WSCD2: variants seen among roughly 807,000 people sequenced by gnomAD.
WSCD2 encodes the protein WSC domain sialate O sulfotransferase 2, also known as sialate:O-sulfotransferase 2.
WSCD2 carries 28 observed loss-of-function variants against 55.7 expected under a neutral mutation model. That is an observed-to-expected ratio of 0.50 (90% CI 0.37 to 0.69). The LOEUF is 0.69. Ranked by LOEUF, WSCD2 falls within the 30% of genes least tolerant of loss-of-function variation. The pLI, the probability that WSCD2 is intolerant of heterozygous loss-of-function variation, is 0.00. For missense variants in WSCD2, 616 were observed against 762.1 expected, an observed-to-expected ratio of 0.81 and a Z score of 2.26; for synonymous variants, 301 against 301.9, an observed-to-expected ratio of 1.00 and a Z score of 0.03.
Position 108,191,668 on chromosome 12 carries a change from C to A in WSCD2, c.-551-3614C>A, listed in dbSNP as rs532136113. On this transcript the variant is annotated intron_variant, in intron 1 of 8. Coordinates refer to ENST00000547525, the MANE Select transcript of WSCD2 (RefSeq NM_014653.4). ...TACTCATTTTTCTCTACCAGTGTTTCTTGGGACCCTCCTATGTATCAAATA... is the reference window on the plus strand; with the variant it reads ...TACTCATTTTTCTCTACCAGTGTTTATTGGGACCCTCCTATGTATCAAATA... Among the ~76,000 whole-genome samples, 291 of 152,294 alleles carry A rather than the reference C, an allele frequency of 1.9e-3. 3 individuals carry two copies. The highest frequency in any genetic ancestry group is 6.8e-3 in the Middle Eastern group (2 of 294).
chr12:108,131,811 A>AGT (rs922024596), intron 1 of WSCD2: 3 of 152,384 alleles, frequency 2.0e-5, no homozygotes, highest in African/African-American at 7.2e-5. Flanking sequence ...GTGGTCTGGG[A>AGT]GTGCTGCATG....
intron 2 of WSCD2, among the ~76,000 whole-genome samples, chr12:108,200,092 T>C (rs117733170): frequency 1.3e-5 from 2 of 152,116 alleles, no homozygotes; most frequent in South Asian, 4.1e-4. Context: ...TCTATTTCCA[T>C]GAGATTACAG....
Position 108,195,970 on chromosome 12 carries a change from G to A in WSCD2, c.138G>A (p.Ser46=), listed in dbSNP as rs764081584. 71 of 1,614,058 alleles carry A rather than the reference G, an allele frequency of 4.4e-5. No homozygotes were observed. Among genetic ancestry groups the A allele is most frequent in the East Asian group, 2.5e-4 (11 of 44,894 alleles). The change falls in exon 2 of 9, where the codon TCG becomes TCA. Residue 46 remains serine, a synonymous_variant. Transcript: ENST00000547525. The part of the protein sequence containing the change: ...HSGFVGQPAV[S]GNQANPAAAG... ...GCTTTGTGGGCCAGCCCGCTGTCTC[G>A]GGGAACCAGGCGAACCCCGCTGCTG...
intron 5 of WSCD2, 111 bp from the exon 6 acceptor site, chr12:108,226,879 A>C (rs1053877191): frequency 2.4e-5 from 32 of 1,313,290 alleles, no homozygotes; most frequent in Non-Finnish European, 2.9e-5. Context: ...GTTAAGGGAG[A>C]CTGACAGAGA....
At chr12:108,236,598 CTAAT>C (rs1232749356) in intron 7 of WSCD2, among the ~76,000 whole-genome samples, 2 of 149,006 alleles carry the variant, frequency 1.3e-5, no homozygotes, top group African/African-American at 5.0e-5. Flanking sequence ...CTCTCTCTCT[CTAAT>C]TGTCCTTTCC....
At chr12:108,209,800 G>A (rs1885882645) in intron 3 of WSCD2, among the ~76,000 whole-genome samples, 1 of 151,946 alleles carries the variant, frequency 6.6e-6, no homozygotes, top group African/African-American at 2.4e-5. Context: ...GAGTCTCCCT[G>A]CCCACCTCAG....
intron 1 of WSCD2, among the ~76,000 whole-genome samples, chr12:108,193,989 G>A (rs1883554733): frequency 6.6e-6 from 1 of 152,194 alleles, no homozygotes; most frequent in African/African-American, 2.4e-5. Flanking sequence ...TCCATTGGCT[G>A]ACTATGGAAT....
intron 1 of WSCD2, among the ~76,000 whole-genome samples, chr12:108,168,001 T>C (rs1879832040): frequency 6.6e-6 from 1 of 152,184 alleles, no homozygotes; most frequent in Non-Finnish European, 1.5e-5. Flanking sequence ...ATTGCTTTTT[T>C]CAAATAAATA....
intron 1 of WSCD2, among the ~76,000 whole-genome samples, chr12:108,135,776 C>T (rs1876130911): frequency 6.6e-6 from 1 of 152,236 alleles, no homozygotes; most frequent in East Asian, 1.9e-4. Flanking sequence ...GAATAGAGGC[C>T]AACAAACTAT....
intron 1 of WSCD2, among the ~76,000 whole-genome samples, chr12:108,167,064 G>A (rs1234485899): frequency 7.9e-5 from 12 of 151,636 alleles, no homozygotes; most frequent in African/African-American, 2.4e-4. Flanking sequence ...CACCCACCTC[G>A]GCCTCCCAAA....
In WSCD2 at chr12:108,172,032, G is replaced by C. The variant is rs1174328189; in HGVS notation, c.-551-23250G>C. ...AAGCACAGAGCTGCACCATTGTTGA[G>C]AGTTAATATATGATTTCTAGGGTTT... On this transcript the variant is annotated intron_variant, in intron 1 of 8. Coordinates refer to ENST00000547525, the MANE Select transcript of WSCD2 (RefSeq NM_014653.4). 2.6e-5 allele frequency among the ~76,000 whole-genome samples: 4 copies of C among 152,326 alleles called. No homozygotes were observed. In the East Asian group the frequency reaches 5.8e-4, roughly 22 times the overall value.
intron 4 of WSCD2, among the ~76,000 whole-genome samples, chr12:108,220,264 T>A (rs1375777425): frequency 6.6e-6 from 1 of 152,192 alleles, no homozygotes; most frequent in Admixed American, 6.5e-5. Context: ...TTAGGAGGGT[T>A]CCATTGGATA....
At chr12:108,154,795 C>T (rs573036461) in intron 1 of WSCD2, among the ~76,000 whole-genome samples, 11 of 152,136 alleles carry the variant, frequency 7.2e-5, no homozygotes, top group Non-Finnish European at 1.0e-4. Context: ...GCATATTTTT[C>T]ATGAATCCAA....
intron 7 of WSCD2, 98 bp downstream of exon 7, chr12:108,232,993 G>T: frequency 6.7e-7 from 1 of 1,490,368 alleles, no homozygotes. Context: ...AGTATCTACT[G>T]TGTGCCACTC....
chr12:108,231,436 T>TGATGGTAATG (rs1469945626), intron 6 of WSCD2, among the ~76,000 whole-genome samples: 3 of 152,210 alleles, frequency 2.0e-5, no homozygotes, highest in Non-Finnish European at 4.4e-5. Flanking sequence ...CTGTTAACTC[T>TGATGGTAATG]GATGGTAATG....
chr12:108,249,987 ACTCT>A lies in WSCD2; in HGVS notation c.*1649_*1652del, dbSNP rs1295862692. Reference sequence around the variant, plus strand: ...TGGCCTCCCTTCTACTGGGAGGTTGACTCTCTCTGGGAGACTCTTGGTCCAAGAC... The same window carrying A: ...TGGCCTCCCTTCTACTGGGAGGTTGACTCTGGGAGACTCTTGGTCCAAGAC... On this transcript the variant is annotated 3_prime_UTR_variant, in exon 9 of 9. Coordinates refer to ENST00000547525, the MANE Select transcript of WSCD2 (RefSeq NM_014653.4). 2 of 152,172 alleles carry A rather than the reference ACTCT, an allele frequency of 1.3e-5. No homozygotes were observed. Among genetic ancestry groups the A allele is most frequent in the Non-Finnish European group, 2.9e-5 (2 of 67,948 alleles). 9.4% of individuals were successfully genotyped at this position (152,172 alleles called of 1,614,324 possible). A position where few individuals can be genotyped will look rare whatever the true frequency, so the allele number is the denominator to read the frequency against.
At chr12:108,201,536 C>T (rs759627987) in intron 2 of WSCD2, among the ~76,000 whole-genome samples, 34 of 151,858 alleles carry the variant, frequency 2.2e-4, no homozygotes, top group Non-Finnish European at 3.1e-4. Context: ...CGGGACAGGG[C>T]ACACAATTCA....
chr12:108,232,517 A>C (rs905036189), intron 6 of WSCD2, among the ~76,000 whole-genome samples: 1 of 151,614 alleles, frequency 6.6e-6, no homozygotes, highest in Admixed American at 6.6e-5. Flanking sequence ...CCCATTTAAC[A>C]CTCACCTCAA....
chr12:108,189,679 G>A (rs1882922088), intron 1 of WSCD2: 1 of 152,072 alleles, frequency 6.6e-6, no homozygotes, highest in Non-Finnish European at 1.5e-5. Context: ...CAGCAACCTT[G>A]GAAAAAAACT....
Sources: gnomAD v4.1 joint callset for allele counts (sites outside exome capture counted in the v4.1 genomes callset) on GRCh38, gnomAD v4.1.1 for gene constraint, MANE v1.5 for transcripts, NCBI Gene and HGNC (gene_info 2026-07-23, HGNC 2026-07-21) for gene names.